The following FBXW4 variants were observed in gnomAD, a reference collection of about 807,000 sequenced individuals.
FBXW4 encodes F-box and WD repeat domain containing 4, also known as F-box/WD repeat-containing protein 4.
FBXW4 carries 40 observed loss-of-function variants against 61.8 expected under a neutral mutation model. That is an observed-to-expected ratio of 0.65 (90% CI 0.50 to 0.84). The LOEUF (loss-of-function observed/expected upper bound fraction) is 0.84. FBXW4 is among the 40% of genes least tolerant of loss of function. The pLI is 0.00. For synonymous variants in FBXW4, 311 were observed against 313.8 expected (o/e 0.99, Z 0.10); for missense variants, 672 against 753.8 (o/e 0.89, Z 1.27).
chr10:101,612,219 T>C, intron 7 of FBXW4, 118 bp downstream of exon 7: 1 of 1,218,518 alleles, frequency 8.2e-7, no homozygotes, highest in African/African-American at 1.6e-5. Flanking sequence ...GGCCTCTTCC[T>C]TCCCAGCCCT....
chr10:101,618,751 C>T (rs544594625), intron 6 of FBXW4, among the ~76,000 whole-genome samples: 1 of 152,284 alleles, frequency 6.6e-6, no homozygotes, highest in African/African-American at 2.4e-5. Flanking sequence ...GTGACTGTGG[C>T]TGGACCTACT....
chr10:101,635,683 A>G (rs188419108), intron 5 of FBXW4, among the ~76,000 whole-genome samples: 1 of 152,202 alleles, frequency 6.6e-6, no homozygotes, highest in Non-Finnish European at 1.5e-5. Flanking sequence ...AAATATGAAA[A>G]AAATTAGCTG....
Position 101,649,786 on chromosome 10 carries a change from G to A in FBXW4, c.1235+18100C>T, listed in dbSNP as rs558688746. 1.2e-3 allele frequency among the ~76,000 whole-genome samples: 178 copies of A among 152,282 alleles called. 3 individuals are homozygous for A. Among genetic ancestry groups the A allele is most frequent in the Admixed American group, 4.2e-3 (64 of 15,302 alleles). ...CTCCCCAGGGCCACCTCATCTCAGC[G>A]GCCAGCCTGCATCTCTGCCTTCCGA... is the stretch of plus-strand genomic sequence containing the variant. On this transcript the variant is annotated intron_variant, in intron 5 of 8. Transcript: ENST00000331272.
At chr10:101,637,965 G>A (rs2134838866) in intron 5 of FBXW4, among the ~76,000 whole-genome samples, 1 of 152,226 alleles carries the variant, frequency 6.6e-6, no homozygotes, top group East Asian at 1.9e-4. Flanking sequence ...ATATTACCCA[G>A]TACTGATAAG....
chr10:101,661,944 C>T (rs2064248476), intron 5 of FBXW4, among the ~76,000 whole-genome samples: 2 of 152,218 alleles, frequency 1.3e-5, no homozygotes. Flanking sequence ...ATCCCCTTTA[C>T]ACCCAGCTGT....
chr10:101,656,758 T>C (rs1481224317), intron 5 of FBXW4, among the ~76,000 whole-genome samples: 1 of 152,114 alleles, frequency 6.6e-6, no homozygotes, highest in East Asian at 1.9e-4. Flanking sequence ...CACAAGTACA[T>C]GGAAAACATG....
intron 2 of FBXW4, among the ~76,000 whole-genome samples, chr10:101,675,584 T>C (rs2064400047): frequency 6.6e-6 from 1 of 152,120 alleles, no homozygotes; most frequent in Non-Finnish European, 1.5e-5. Flanking sequence ...CAGTGCAAAC[T>C]GGATGCAAGC....
At chr10:101,687,388 T>C (rs1308018084) in intron 1 of FBXW4, among the ~76,000 whole-genome samples, 2 of 152,152 alleles carry the variant, frequency 1.3e-5, no homozygotes, top group African/African-American at 2.4e-5. Flanking sequence ...ATAAGACTTC[T>C]CTTTCTCTAC....
At chr10:101,612,514 G>A (rs759817124) in intron 6 of FBXW4, 37 bp from the exon 7 acceptor site, 11 of 1,512,962 alleles carry the variant, frequency 7.3e-6, no homozygotes, top group South Asian at 4.1e-5. Flanking sequence ...GCTGCTCCAC[G>A]TGGGTCATAC....
chr10:101,680,856 A>G (rs2134907654), intron 1 of FBXW4, among the ~76,000 whole-genome samples: 1 of 152,334 alleles, frequency 6.6e-6, no homozygotes, highest in South Asian at 2.1e-4. Flanking sequence ...AAATTTTTAC[A>G]AAGATATTTA....
chr10:101,672,786 C>T (rs886716924), intron 4 of FBXW4, 129 bp downstream of exon 4: 16 of 1,106,612 alleles, frequency 1.4e-5, no homozygotes, highest in Non-Finnish European at 1.9e-5. Context: ...ATAAGTGAGT[C>T]CTTTATTGTG....
At chr10:101,616,536 A>C (rs2063827588) in intron 6 of FBXW4, among the ~76,000 whole-genome samples, 2 of 152,332 alleles carry the variant, frequency 1.3e-5, no homozygotes, top group African/African-American at 4.8e-5. Flanking sequence ...CAGCTAAGAA[A>C]AGCAAGCATT....
intron 6 of FBXW4, among the ~76,000 whole-genome samples, chr10:101,612,702 C>T (rs2063798086): frequency 6.6e-6 from 1 of 151,752 alleles, no homozygotes; most frequent in South Asian, 2.1e-4. Flanking sequence ...GCATCCCAGC[C>T]CTCAGCAGCC....
Position 101,694,704 on chromosome 10 carries a change from C to T in FBXW4, c.402G>A (p.Arg134=). Residue 134 remains arginine, a synonymous_variant, in exon 1 of 9, where the codon AGG becomes AGA. Coordinates refer to ENST00000331272, the MANE Select transcript of FBXW4 (RefSeq NM_022039.4). The surrounding 1 kb of genome is among the most constrained non-coding windows in gnomAD (Gnocchi z 6.0). ...RVRARRREGA[R]PGRAQGRGGQ... is the part of the protein sequence containing the mutation. ...CCCCTCGTCCCTGTGCTCTTCCCGG[C>T]CTGGCGCCCTCCCGCCGCCTAGCCC... is the stretch of plus-strand genomic sequence containing the variant. The T allele has an allele frequency of 6.5e-6, 9 of 1,375,228 alleles. No homozygotes were observed. Among genetic ancestry groups the T allele is most frequent in the South Asian group, 5.1e-5 (3 of 59,392 alleles). 85.2% of individuals were successfully genotyped at this position (1,375,228 alleles called of 1,614,324 possible).
chr10:101,637,104 C>T (rs1035638408), intron 5 of FBXW4, among the ~76,000 whole-genome samples: 1 of 151,860 alleles, frequency 6.6e-6, no homozygotes, highest in African/African-American at 2.4e-5. Context: ...CCACCATGGG[C>T]CGGGCACGGT....
At chr10:101,612,626 A>G (rs2063797390) in intron 6 of FBXW4, 149 bp from the exon 7 acceptor site, 6 of 882,644 alleles carry the variant, frequency 6.8e-6, no homozygotes, top group African/African-American at 1.7e-5. Flanking sequence ...GAGATGCCCA[A>G]TTCCTACCCA....
rs1589776678 is a variant in FBXW4 at position 101,676,369 on chromosome 10, C to G, written c.793G>C (p.Glu265Gln). The change falls in exon 2 of 9, where the codon GAG (glutamate) becomes CAG (glutamine). Residue 265 changes from glutamate to glutamine, a missense_variant. This residue lies in a region of FBXW4 where 311 missense variants were observed against 301.1 expected (regional missense o/e 1.03). Transcript: ENST00000331272. ...CATCTCCACTTCAGCAGAATCCCCT[C>G]TCGGCAGCGCCCCAGTCTCCAGTTC... ...SQNWRLGRCR[E>Q]GILLKWRCSQ... is the part of the protein sequence containing the mutation. 6 of 1,613,662 alleles carry G rather than the reference C, an allele frequency of 3.7e-6. No individual in the cohort carries two copies. In the East Asian group the frequency reaches 1.3e-4, roughly 36 times the overall value.
chr10:101,636,051 G>C (rs2063998866), intron 5 of FBXW4, among the ~76,000 whole-genome samples: 1 of 152,034 alleles, frequency 6.6e-6, no homozygotes, highest in Non-Finnish European at 1.5e-5. Context: ...TAAGCCTCTA[G>C]TAAGAATTGC....
chr10:101,653,946 C>A (rs767313788), intron 5 of FBXW4, among the ~76,000 whole-genome samples: 5 of 151,854 alleles, frequency 3.3e-5, no homozygotes, highest in Non-Finnish European at 5.9e-5. Flanking sequence ...CATGGTCAAA[C>A]CCCATCTCTA....
Sources: allele counts gnomAD v4.1 joint callset (sites outside exome capture counted in the v4.1 genomes callset), GRCh38; gene constraint gnomAD v4.1.1; regional missense constraint gnomAD v4.1.1; non-coding constraint Gnocchi (gnomAD v3.1); transcripts MANE v1.5; gene names NCBI Gene and HGNC (gene_info 2026-07-23, HGNC 2026-07-21).